Variants in PCMTD1 observed in about 807,000 individuals in gnomAD.
PCMTD1 encodes the protein protein-L-isoaspartate O-methyltransferase domain-containing protein 1.
In PCMTD1, 12 loss-of-function variants were observed where a neutral mutation model predicts 37.6. The ratio of observed to expected loss-of-function variants is 0.32; its 90% CI spans 0.20 to 0.52. The LOEUF (loss-of-function observed/expected upper bound fraction) is 0.52. PCMTD1 is among the 20% of genes least tolerant of loss of function. The probability of loss-of-function intolerance (pLI) is 0.97; values close to 1 mark genes in which losing one functional copy is unlikely to be tolerated. For synonymous variants in PCMTD1, 117 were observed against 135.8 expected, an observed-to-expected ratio of 0.86 and a Z score of 0.96; for missense variants, 235 against 421.3, an observed-to-expected ratio of 0.56 and a Z score of 3.87.
intron 1 of PCMTD1, among the ~76,000 whole-genome samples, chr8:51,874,258 A>G (rs11777016): frequency 0.11 from 16,530 of 152,224 alleles, 1,234 homozygotes; most frequent in East Asian, 0.16. Flanking sequence ...CTTAAAGAAC[A>G]CCATCCAAAC....
chr8:51,844,646 G>A (rs2038192784), intron 3 of PCMTD1, among the ~76,000 whole-genome samples: 1 of 152,170 alleles, frequency 6.6e-6, no homozygotes, highest in Non-Finnish European at 1.5e-5. Context: ...GCAGGAAGGG[G>A]AGGAAGGGCA....
intron 2 of PCMTD1, among the ~76,000 whole-genome samples, chr8:51,848,461 T>A (rs754973598): frequency 1.2e-4 from 19 of 152,124 alleles, no homozygotes; most frequent in Non-Finnish European, 2.4e-4. Flanking sequence ...GTGTTAAGAA[T>A]CTGTAATCAA....
At chr8:51,831,669 G>T in intron 4 of PCMTD1, 102 bp from the exon 5 acceptor site, 1 of 1,153,568 alleles carries the variant, frequency 8.7e-7, no homozygotes, top group Non-Finnish European at 1.2e-6. Flanking sequence ...GCCAGTTAGA[G>T]CTACACAATC....
At position 51,845,682 on chromosome 8, in the gene PCMTD1, TTGA is replaced by T; in HGVS notation, c.386_388del (p.Ile129del). ...TTACTTATCAAAGCTATCACTATTT[TTGA>T]TGAAGCTCTCCAGTTTTTCCTTGGC... On this transcript the variant is annotated inframe_deletion, in exon 3 of 6. Transcript: ENST00000522514. The T allele has an allele frequency of 6.2e-7, 1 of 1,612,354 alleles. No homozygotes were observed. Among genetic ancestry groups the T allele is most frequent in the Non-Finnish European group, 8.5e-7 (1 of 1,179,034 alleles).
chr8:51,822,636 G>C (rs929551385), intron 5 of PCMTD1, among the ~76,000 whole-genome samples: 3 of 152,196 alleles, frequency 2.0e-5, no homozygotes, highest in African/African-American at 7.2e-5. Context: ...ACTGAATGCA[G>C]GTTTTGACTG....
At chr8:51,841,307 T>C (rs1429216212) in intron 3 of PCMTD1, among the ~76,000 whole-genome samples, 1 of 152,228 alleles carries the variant, frequency 6.6e-6, no homozygotes, top group African/African-American at 2.4e-5. Flanking sequence ...ACTCATATCA[T>C]GACTCATTTA....
Position 51,878,255 on chromosome 8 carries a change from T to TTTG in PCMTD1, c.-95-17010_-95-17009insCAA, listed in dbSNP as rs1490884119. ...ATTATGAGATTTTTTTTTTGGTTTT[T>TTTG]TTTTTTTTTTAGCTCATCAGCTATC... On this transcript the variant is annotated intron_variant, in intron 1 of 5. Transcript: ENST00000522514. Among the ~76,000 whole-genome samples, 56 of 149,776 alleles carry TTTG rather than the reference T, an allele frequency of 3.7e-4. No individual in the cohort carries two copies. In the East Asian group the frequency reaches 9.0e-3, roughly 24 times the overall value.
intron 3 of PCMTD1, among the ~76,000 whole-genome samples, chr8:51,835,260 A>G (rs2038053088): frequency 6.6e-6 from 1 of 152,170 alleles, no homozygotes; most frequent in Non-Finnish European, 1.5e-5. Flanking sequence ...CCCTTAATAA[A>G]TGCCTGATAT....
chr8:51,840,503 A>G (rs963378441), intron 3 of PCMTD1, among the ~76,000 whole-genome samples: 1 of 152,144 alleles, frequency 6.6e-6, no homozygotes, highest in Non-Finnish European at 1.5e-5. Context: ...AACTACTTCT[A>G]AACATTATTA....
chr8:51,880,772 T>A (rs7816619), intron 1 of PCMTD1, among the ~76,000 whole-genome samples: 149,680 of 152,350 alleles, frequency 0.98, 73,577 homozygotes, highest in East Asian at 1. Context: ...AAAAGGCCAG[T>A]TAATAAACAT....
intron 1 of PCMTD1, among the ~76,000 whole-genome samples, chr8:51,898,694 G>C (rs899821582): frequency 3.3e-5 from 5 of 150,690 alleles, no homozygotes; most frequent in Non-Finnish European, 7.4e-5. Context: ...GGCCCCTTTC[G>C]ACTCCCCGAC....
chr8:51,898,334 C>T (rs2039039195), intron 1 of PCMTD1, among the ~76,000 whole-genome samples: 1 of 152,128 alleles, frequency 6.6e-6, no homozygotes, highest in African/African-American at 2.4e-5. Flanking sequence ...AAGCAAAACG[C>T]GGGCACTGCA....
intron 1 of PCMTD1, among the ~76,000 whole-genome samples, chr8:51,866,224 G>C (rs2038553576): frequency 6.6e-6 from 1 of 151,860 alleles, no homozygotes; most frequent in Non-Finnish European, 1.5e-5. Context: ...TAAAATGTCT[G>C]TACTACCAAC....
chr8:51,848,661 A>AT (rs111750069), intron 2 of PCMTD1, among the ~76,000 whole-genome samples: 8,523 of 152,282 alleles, frequency 0.056, 270 homozygotes, highest in African/African-American at 0.087. Flanking sequence ...TTTTTTAAAC[A>AT]TAACTTGTTT....
chr8:51,849,930 C>T (rs1355187715), intron 2 of PCMTD1: 3 of 634,764 alleles, frequency 4.7e-6, no homozygotes, highest in Non-Finnish European at 8.4e-6. Flanking sequence ...GAGTTCCACA[C>T]TGCATTTGAA....
chr8:51,821,982 A>T (rs969080372), intron 5 of PCMTD1, among the ~76,000 whole-genome samples: 10 of 152,070 alleles, frequency 6.6e-5, no homozygotes, highest in African/African-American at 2.4e-4. Context: ...TGATCCGCCC[A>T]CCTTGGCCTC....
chr8:51,843,345 CA>C (rs1174559105), intron 3 of PCMTD1, among the ~76,000 whole-genome samples: 1 of 151,980 alleles, frequency 6.6e-6, no homozygotes, highest in Non-Finnish European at 1.5e-5. Context: ...ATAAAATTTT[CA>C]GAACTGTCTT....
chr8:51,875,921 G>A (rs901858097), intron 1 of PCMTD1, among the ~76,000 whole-genome samples: 1 of 150,592 alleles, frequency 6.6e-6, no homozygotes, highest in Non-Finnish European at 1.5e-5. Context: ...AACAGAGCAA[G>A]ACCATCTCAA....
intron 1 of PCMTD1, among the ~76,000 whole-genome samples, chr8:51,878,996 T>G (rs1437142885): frequency 6.6e-6 from 1 of 152,038 alleles, no homozygotes; most frequent in African/African-American, 2.4e-5. Context: ...TGTGGTAATG[T>G]GCACCTGTGA....
Sources: gnomAD v4.1 joint callset for allele counts (sites outside exome capture counted in the v4.1 genomes callset) on GRCh38, gnomAD v4.1.1 for gene constraint, MANE v1.5 for transcripts, NCBI Gene and HGNC (gene_info 2026-07-23, HGNC 2026-07-21) for gene names.